AUH: variants seen among roughly 807,000 people sequenced by gnomAD.
The protein encoded by AUH is methylglutaconyl-CoA hydratase, mitochondrial.
A neutral mutation model predicts 42.3 loss-of-function variants in AUH; 29 were observed. The ratio of observed to expected loss-of-function variants is 0.69; its 90% CI spans 0.51 to 0.93. The LOEUF is 0.93. Ranked by LOEUF, AUH falls within the 40% of genes least tolerant of loss-of-function variation. The pLI, the probability that AUH is intolerant of heterozygous loss-of-function variation, is 0.00. For synonymous variants in AUH, 174 were observed against 166.4 expected, an observed-to-expected ratio of 1.05 and a Z score of -0.35; for missense variants, 452 against 438.1, an observed-to-expected ratio of 1.03 and a Z score of -0.28.
chr9:91,339,138 C>T (rs1443806987), intron 3 of AUH, among the ~76,000 whole-genome samples: 1 of 152,200 alleles, frequency 6.6e-6, no homozygotes, highest in Non-Finnish European at 1.5e-5. Context: ...AGTACAGCTA[C>T]TCCTTGACTT....
intron 6 of AUH, among the ~76,000 whole-genome samples, chr9:91,249,376 G>C (rs1564029161): frequency 2.7e-5 from 4 of 149,864 alleles, no homozygotes. Flanking sequence ...GGGGTTTGGG[G>C]AACACTGGAC....
At chr9:91,323,980 C>T (rs1587858560) in intron 4 of AUH, among the ~76,000 whole-genome samples, 1 of 151,816 alleles carries the variant, frequency 6.6e-6, no homozygotes. Flanking sequence ...AACTGATGTG[C>T]GAGAATCAAC....
At chr9:91,231,819 C>T (rs762717859) in intron 6 of AUH, among the ~76,000 whole-genome samples, 76 of 151,892 alleles carry the variant, frequency 5.0e-4, no homozygotes, top group Non-Finnish European at 7.4e-4. Context: ...TCAGGGATTA[C>T]GACATCAGCA....
intron 6 of AUH, among the ~76,000 whole-genome samples, chr9:91,244,157 C>T (rs941279297): frequency 5.3e-5 from 8 of 152,186 alleles, no homozygotes; most frequent in African/African-American, 1.9e-4. Context: ...CAACTAAAAT[C>T]TCTATCTAAA....
intron 6 of AUH, among the ~76,000 whole-genome samples, chr9:91,293,737 T>C (rs992187824): frequency 7.2e-5 from 11 of 152,220 alleles, no homozygotes; most frequent in African/African-American, 2.7e-4. Flanking sequence ...CTAGCTAAGA[T>C]CACTGATGAA....
intron 3 of AUH, among the ~76,000 whole-genome samples, chr9:91,336,485 C>T (rs1830696330): frequency 6.6e-6 from 1 of 151,884 alleles, no homozygotes; most frequent in Non-Finnish European, 1.5e-5. Context: ...CAAAAATAAG[C>T]TGGGCGTGAT....
At chr9:91,225,081 A>C (rs1380193366) in intron 6 of AUH, among the ~76,000 whole-genome samples, 1 of 152,242 alleles carries the variant, frequency 6.6e-6, no homozygotes, top group African/African-American at 2.4e-5. Context: ...CCAGCTTGAA[A>C]GTACTTAAAT....
intron 8 of AUH, 136 bp from the exon 9 acceptor site, chr9:91,216,242 CCAA>C: frequency 1.1e-6 from 1 of 888,030 alleles, no homozygotes; most frequent in Non-Finnish European, 1.8e-6. Flanking sequence ...CAGAGTGTGA[CCAA>C]CATGAGACAC....
At position 91,221,117 on chromosome 9, in the gene AUH, C is replaced by T. The variant is rs540655804; in HGVS notation, c.656-125G>A. The stretch of plus-strand genomic sequence containing the variant: ...GAAGTTTATATGTTAAAATTAGTAG[C>T]TGGAAAACTACTTCAGAACAGAATC... On this transcript the variant is annotated intron_variant, in intron 6 of 9. Transcript: ENST00000375731. The T allele has an allele frequency of 1.3e-4, 136 of 1,044,790 alleles. No individual in the cohort carries two copies. In the African/African-American group the frequency reaches 1.9e-3, roughly 14 times the overall value. The allele number at this position is 1,044,790 out of a possible 1,614,324, so 64.7% of individuals were successfully genotyped here.
At chr9:91,267,572 C>T (rs1202753184) in intron 6 of AUH, among the ~76,000 whole-genome samples, 8 of 152,094 alleles carry the variant, frequency 5.3e-5, no homozygotes, top group Admixed American at 4.6e-4. Context: ...GAGTCTTCCG[C>T]AAGTGGAAAG....
In AUH at chr9:91,361,817, C is replaced by A; in HGVS notation, c.73G>T (p.Ala25Ser). ...LHAGGARLVA[A>S]CSAWLCPGLR... ...CCCGGGCAGAGCCACGCACTGCAAG[C>A]GGCCACCAGGCGGGCGCCGCCAGCA... is the stretch of plus-strand genomic sequence containing the variant. The change falls in exon 1 of 10, where the codon GCT (alanine) becomes TCT (serine). Residue 25 changes from alanine to serine, a missense_variant. By Grantham distance (99) the Ala-to-Ser change is moderately conservative. Transcript: ENST00000375731. 1 of 1,511,662 alleles carries A rather than the reference C, an allele frequency of 6.6e-7. No individual in the cohort carries two copies. The highest frequency in any genetic ancestry group is 2.7e-5 in the East Asian group (1 of 36,956). The allele number at this position is 1,511,662 out of a possible 1,614,324, so 93.6% of individuals were successfully genotyped here.
chr9:91,315,526 G>C (rs142403798), intron 4 of AUH, among the ~76,000 whole-genome samples: 1 of 152,190 alleles, frequency 6.6e-6, no homozygotes, highest in African/African-American at 2.4e-5. Flanking sequence ...TAGCCACCTT[G>C]CAGGCTGTAA....
chr9:91,242,973 C>T (rs1386246198), intron 6 of AUH, among the ~76,000 whole-genome samples: 1 of 152,160 alleles, frequency 6.6e-6, no homozygotes, highest in East Asian at 1.9e-4. Flanking sequence ...CATAGCAACA[C>T]CATTATTAAC....
chr9:91,330,647 A>C (rs1830261871), intron 3 of AUH, among the ~76,000 whole-genome samples: 1 of 152,212 alleles, frequency 6.6e-6, no homozygotes, highest in Non-Finnish European at 1.5e-5. Flanking sequence ...TCAGGGCAGC[A>C]CTATTAGAAA....
At position 91,214,383 on chromosome 9, in the gene AUH, T is replaced by G. The variant is rs563107892; in HGVS notation, c.985A>C (p.Lys329Gln). The change falls in exon 10 of 10, where the codon AAA (lysine) becomes CAA (glutamine). Residue 329 changes from lysine to glutamine, a missense_variant. Physicochemically the swap from Lys to Gln is moderately conservative, Grantham distance 53 (BLOSUM62 1). Coordinates refer to ENST00000375731, the MANE Select transcript of AUH (RefSeq NM_001698.3). ...TTATAGCGAGGGGGCCTTTTCTCTT[T>G]AAAAGCAAGAAGACCTTCAAGTCTG... ...KDRLEGLLAFKEKRPPRYKGE is the reference protein window; with the variant it reads ...KDRLEGLLAFQEKRPPRYKGE 1 of 1,610,654 alleles carries G rather than the reference T, an allele frequency of 6.2e-7. No individual in the cohort carries two copies. Among genetic ancestry groups the G allele is most frequent in the African/African-American group, 1.3e-5 (1 of 74,988 alleles).
At chr9:91,252,023 G>A (rs191321099) in intron 6 of AUH, among the ~76,000 whole-genome samples, 1 of 152,156 alleles carries the variant, frequency 6.6e-6, no homozygotes, top group Non-Finnish European at 1.5e-5. Flanking sequence ...CTGGAGTGCA[G>A]TGGCACGATC....
chr9:91,350,515 T>C (rs977118477), intron 3 of AUH, among the ~76,000 whole-genome samples: 1 of 152,188 alleles, frequency 6.6e-6, no homozygotes, highest in Non-Finnish European at 1.5e-5. Context: ...TCCCAGCACT[T>C]TGGGAGGCCG....
chr9:91,323,199 A>T (rs1829719247), intron 4 of AUH, among the ~76,000 whole-genome samples: 1 of 152,202 alleles, frequency 6.6e-6, no homozygotes, highest in African/African-American at 2.4e-5. Flanking sequence ...ATGTTGGGGG[A>T]GGAGATAAAA....
chr9:91,313,263 T>C (rs909803723), intron 4 of AUH, among the ~76,000 whole-genome samples: 9 of 152,184 alleles, frequency 5.9e-5, no homozygotes, highest in African/African-American at 2.2e-4. Flanking sequence ...CTGCTGGGGA[T>C]TTGAGCAGGA....
Sources: gnomAD v4.1 joint callset for allele counts (sites outside exome capture counted in the v4.1 genomes callset) on GRCh38, gnomAD v4.1.1 for gene constraint, MANE v1.5 for transcripts, NCBI Gene and HGNC (gene_info 2026-07-23, HGNC 2026-07-21) for gene names.